Variants in NSUN6 observed in about 807,000 individuals in gnomAD.
The protein encoded by NSUN6 is NOP2/Sun RNA methyltransferase 6.
NSUN6 carries 64 observed loss-of-function variants against 58.0 expected under a neutral mutation model. That is an observed-to-expected ratio of 1.10 (90% confidence interval 0.90 to 1.36). The LOEUF (loss-of-function observed/expected upper bound fraction) is 1.36. Among genes scored for constraint, NSUN6 ranks in the 40% most tolerant of loss-of-function variants. NSUN6 has a pLI of 0.00. For synonymous variants in NSUN6, 231 were observed against 193.9 expected (o/e 1.19, Z -1.59); for missense variants, 701 against 550.1 (o/e 1.27, Z -2.74).
At chr10:18,624,647 C>CAAAAAAAAAA (rs10671283) in intron 3 of NSUN6, among the ~76,000 whole-genome samples, 18 of 76,944 alleles carry the variant, frequency 2.3e-4, no homozygotes, top group Non-Finnish European at 3.3e-4. Flanking sequence ...GACTCTGTCT[C>CAAAAAAAAAA]AAAAAAAAAA....
At chr10:18,596,046 T>C (rs1035994639) in intron 7 of NSUN6, among the ~76,000 whole-genome samples, 162 bp downstream of exon 7, 3 of 152,236 alleles carry the variant, frequency 2.0e-5, no homozygotes, top group African/African-American at 7.2e-5. Context: ...TAAATGATCA[T>C]TGTCTACTGA....
At chr10:18,591,493 T>C (rs895386498) in intron 7 of NSUN6, among the ~76,000 whole-genome samples, 1 of 152,074 alleles carries the variant, frequency 6.6e-6, no homozygotes. Context: ...GCAAACCAGA[T>C]CCAGCAGTAC....
intron 6 of NSUN6, among the ~76,000 whole-genome samples, chr10:18,598,660 G>C (rs769579918): frequency 3.9e-5 from 6 of 152,134 alleles, no homozygotes; most frequent in Non-Finnish European, 8.8e-5. Context: ...TTTTTGTAGA[G>C]ACAGGGTTCC....
At chr10:18,590,359 T>C (rs779847694) in intron 7 of NSUN6, among the ~76,000 whole-genome samples, 3 of 152,112 alleles carry the variant, frequency 2.0e-5, no homozygotes, top group Non-Finnish European at 4.4e-5. Flanking sequence ...AGACAGAAAA[T>C]TAACAAGGAT....
intron 8 of NSUN6, among the ~76,000 whole-genome samples, chr10:18,557,078 T>C (rs1245322961): frequency 6.7e-6 from 1 of 148,484 alleles, no homozygotes; most frequent in African/African-American, 2.5e-5. Flanking sequence ...GAATGCAGCA[T>C]GGAATGCAAT....
At chr10:18,572,802 C>A (rs2056444683) in intron 8 of NSUN6, among the ~76,000 whole-genome samples, 1 of 149,416 alleles carries the variant, frequency 6.7e-6, no homozygotes, top group Non-Finnish European at 1.5e-5. Flanking sequence ...CCATTCCATA[C>A]TCCATTCCCT....
chr10:18,639,172 TC>T (rs2059317482), intron 3 of NSUN6, among the ~76,000 whole-genome samples: 1 of 152,056 alleles, frequency 6.6e-6, no homozygotes. Context: ...TCCAGGAACC[TC>T]CTCATTTCTC....
chr10:18,628,297 G>T (rs560219921), intron 3 of NSUN6, among the ~76,000 whole-genome samples: 1 of 152,098 alleles, frequency 6.6e-6, no homozygotes, highest in Non-Finnish European at 1.5e-5. Context: ...AAACCACAAA[G>T]ATGGGGAAAA....
intron 8 of NSUN6, among the ~76,000 whole-genome samples, chr10:18,553,189 A>G (rs572002797): frequency 6.7e-6 from 1 of 149,488 alleles, no homozygotes; most frequent in Admixed American, 6.6e-5. Context: ...TGCATTCTCC[A>G]TTCCATTCCA....
intron 8 of NSUN6, among the ~76,000 whole-genome samples, chr10:18,577,508 ACTTACTAAAAT>A (rs2056709598): frequency 6.6e-6 from 1 of 152,126 alleles, no homozygotes; most frequent in Non-Finnish European, 1.5e-5. Flanking sequence ...TAGAAATGGC[ACTTACTAAAAT>A]CTCCCTTAAC....
At chr10:18,631,495 C>A (rs1313257607) in intron 3 of NSUN6, among the ~76,000 whole-genome samples, 3 of 128,388 alleles carry the variant, frequency 2.3e-5, no homozygotes, top group Non-Finnish European at 3.3e-5. Context: ...GATTGTATAT[C>A]TAGAAAACCC....
At chr10:18,592,151 T>A (rs1356740220) in intron 7 of NSUN6, among the ~76,000 whole-genome samples, 1 of 152,000 alleles carries the variant, frequency 6.6e-6, no homozygotes, top group Non-Finnish European at 1.5e-5. Context: ...TACCTAGAAA[T>A]GCAACTTACA....
intron 8 of NSUN6, among the ~76,000 whole-genome samples, chr10:18,556,568 AT>A (rs1773762160): frequency 1.3e-5 from 2 of 151,158 alleles, no homozygotes; most frequent in South Asian, 4.2e-4. Context: ...ATGGAATGTT[AT>A]GGAATGGAGG....
rs187663750 is a variant in NSUN6 at position 18,632,791 on chromosome 10, A to C, written c.311+9685T>G. On this transcript the variant is annotated intron_variant, in intron 3 of 10. Transcript: ENST00000377304. ...GAGAGGATGTGGAGAAATAGGAACA[A>C]TTTTACACTGTTGGTGGGACTGTCA... 3.3e-3 allele frequency among the ~76,000 whole-genome samples: 503 copies of C among 152,204 alleles called. 2 individuals carry two copies. The highest frequency in any genetic ancestry group is 0.01 in the African/African-American group (429 of 41,550).
chr10:18,552,669 T>C (rs1296371609), intron 8 of NSUN6, among the ~76,000 whole-genome samples: 2 of 151,388 alleles, frequency 1.3e-5, no homozygotes, highest in African/African-American at 4.9e-5. Context: ...TATTCCATTC[T>C]CCATTCCATT....
chr10:18,594,778 T>C (rs7074644), intron 7 of NSUN6, among the ~76,000 whole-genome samples: 31,812 of 152,170 alleles, frequency 0.21, 3,662 homozygotes, highest in South Asian at 0.31. Flanking sequence ...CCTCAATTCT[T>C]CAACTTTCCA....
chr10:18,616,434 A>G (rs956275151), intron 3 of NSUN6, 141 bp from the exon 4 acceptor site: 2 of 535,252 alleles, frequency 3.7e-6, no homozygotes, highest in Non-Finnish European at 6.6e-6. Context: ...AGAGAGGCAT[A>G]CATATAGAGG....
intron 8 of NSUN6, among the ~76,000 whole-genome samples, chr10:18,583,983 T>C (rs565885505): frequency 5.0e-4 from 76 of 152,272 alleles, no homozygotes; most frequent in African/African-American, 1.8e-3. Flanking sequence ...TCACCAGACA[T>C]ACCCTGCAGG....
chr10:18,578,231 ATTTTTTTTT>A (rs71402184), intron 8 of NSUN6, among the ~76,000 whole-genome samples: 2 of 121,146 alleles, frequency 1.7e-5, no homozygotes, highest in East Asian at 4.7e-4. Flanking sequence ...CTCTAAGCCT[ATTTTTTTTT>A]TTTTTTTTTT....
Sources: gnomAD v4.1 joint callset for allele counts (sites outside exome capture counted in the v4.1 genomes callset) on GRCh38, gnomAD v4.1.1 for gene constraint, MANE v1.5 for transcripts, NCBI Gene and HGNC (gene_info 2026-07-23, HGNC 2026-07-21) for gene names.